Variants in ROS1 observed in about 807,000 individuals in gnomAD.
ROS1 encodes ROS proto-oncogene 1, receptor tyrosine kinase, also known as proto-oncogene tyrosine-protein kinase ROS.
Under a neutral mutation model 273.5 loss-of-function variants are expected in ROS1, and 263 were observed. The observed-to-expected ratio is 0.96, with a 90% CI of 0.87 to 1.06. The LOEUF (loss-of-function observed/expected upper bound fraction) is 1.06, where lower values mean the gene tolerates loss of function less well. Among genes scored for constraint, ROS1 ranks in the 50% least tolerant of loss-of-function variants. ROS1 has a pLI of 0.00. For missense variants in ROS1, 2,833 were observed against 2,751.1 expected, an observed-to-expected ratio of 1.03 and a Z score of -0.67; for synonymous variants, 1,008 against 954.1, an observed-to-expected ratio of 1.06 and a Z score of -1.04.
chr6:117,348,903 A>G (rs910835029), intron 27 of ROS1, among the ~76,000 whole-genome samples: 4 of 152,028 alleles, frequency 2.6e-5, no homozygotes, highest in African/African-American at 9.6e-5. Context: ...GCTATCTTTC[A>G]GTTATTGAGT....
chr6:117,363,608 C>T (rs918050858), intron 21 of ROS1, among the ~76,000 whole-genome samples: 16 of 152,128 alleles, frequency 1.1e-4, no homozygotes, highest in African/African-American at 3.6e-4. Flanking sequence ...AATCTCCAGG[C>T]CTTCTTACAT....
In ROS1 at chr6:117,387,948, T is replaced by A; in HGVS notation, c.1831A>T (p.Thr611Ser). 1 of 1,614,174 alleles carries A rather than the reference T, an allele frequency of 6.2e-7. No individual in the cohort carries two copies. The highest frequency in any genetic ancestry group is 8.5e-7 in the Non-Finnish European group (1 of 1,180,006). The stretch of plus-strand genomic sequence containing the variant: ...TGAGTGACTTCAGGAGGGTCTTGGG[T>A]GGATACTTTCACCTCATAGGTCCAG... ...QNWTYEVKVSTQDPPEVTHIF... is the reference protein window; with the variant it reads ...QNWTYEVKVSSQDPPEVTHIF... The change falls in exon 14 of 44, where the codon ACC (threonine) becomes TCC (serine). Residue 611 changes from threonine to serine, a missense_variant. Thr to Ser is a moderately conservative substitution (Grantham distance 58, BLOSUM62 1). Coordinates refer to ENST00000368507, the MANE Select transcript of ROS1 (RefSeq NM_001378902.1).
Position 117,422,257 on chromosome 6 carries a change from C to T in ROS1, c.123+3277G>A, listed in dbSNP as rs572491904. On this transcript the variant is annotated intron_variant, in intron 1 of 43. Coordinates refer to ENST00000368507, the MANE Select transcript of ROS1 (RefSeq NM_001378902.1). ...AACTCCTGGGCTGAAGGGAACTGTC[C>T]GCCTCAGCCTCCCATAGTGCTGGAA... Among the ~76,000 whole-genome samples the T allele has an allele frequency of 4.7e-3, 721 of 152,216 alleles. 5 individuals carry two copies. Among genetic ancestry groups the T allele is most frequent in the African/African-American group, 0.016 (680 of 41,548 alleles).
intron 40 of ROS1, 53 bp downstream of exon 40, chr6:117,310,967 G>A: frequency 1.8e-6 from 2 of 1,090,818 alleles, no homozygotes; most frequent in Non-Finnish European, 2.8e-6. Flanking sequence ...TGCACTACAG[G>A]TGATTATTGT....
chr6:117,337,854 T>C (rs867305674), intron 31 of ROS1, among the ~76,000 whole-genome samples: 1 of 152,236 alleles, frequency 6.6e-6, no homozygotes, highest in East Asian at 1.9e-4. Flanking sequence ...TCTTCAGACA[T>C]GTAAACAGAA....
At chr6:117,421,164 ATATATAT>A (rs1202212925) in intron 1 of ROS1, among the ~76,000 whole-genome samples, 1 of 148,342 alleles carries the variant, frequency 6.7e-6, no homozygotes, top group East Asian at 1.9e-4. Flanking sequence ...CATTTTTATA[ATATATAT>A]TATATATTAT....
At chr6:117,377,257 C>A (rs1781412204) in intron 18 of ROS1, among the ~76,000 whole-genome samples, 1 of 152,036 alleles carries the variant, frequency 6.6e-6, no homozygotes, top group South Asian at 2.1e-4. Flanking sequence ...ATTACAGGCG[C>A]CCATCACCAC....
chr6:117,326,135 T>A, intron 34 of ROS1, 89 bp downstream of exon 34: 22 of 421,198 alleles, frequency 5.2e-5, no homozygotes, highest in East Asian at 1.0e-4. Context: ...ATAGTCACCA[T>A]TATCTATTGC....
chr6:117,411,714 C>G (rs139681801), intron 4 of ROS1, among the ~76,000 whole-genome samples: 2 of 152,140 alleles, frequency 1.3e-5, no homozygotes, highest in Non-Finnish European at 2.9e-5. Context: ...GCATTGTTCC[C>G]TTAAAAATTA....
At chr6:117,381,876 G>C (rs537765597) in intron 17 of ROS1, among the ~76,000 whole-genome samples, 5 of 152,054 alleles carry the variant, frequency 3.3e-5, no homozygotes, top group African/African-American at 1.2e-4. Context: ...GTGTATAAGC[G>C]TTTGGAGGGG....
chr6:117,366,159 C>T lies in ROS1; in HGVS notation c.2714G>A (p.Gly905Asp), dbSNP rs371677605. The T allele has an allele frequency of 1.2e-5, 20 of 1,614,084 alleles. No individual in the cohort carries two copies. The African/African-American group carries it at 2.0e-4, about 16-fold the overall frequency. The change falls in exon 19 of 44, where the codon GGT becomes GAT. Residue 905 changes from glycine (G) to aspartate (D), a missense_variant. Transcript: ENST00000368507. ...CAAAACAGAGACACTGGTTTTCTGA[C>T]CTATTTCTTGAGTTGTGATAATCCT... ...GFRIITTQEI[G>D]QKTSVSVLEP...
intron 27 of ROS1, among the ~76,000 whole-genome samples, chr6:117,350,787 G>A (rs1395027068): frequency 6.7e-6 from 1 of 148,808 alleles, no homozygotes; most frequent in Non-Finnish European, 1.5e-5. Context: ...CTACTATTAA[G>A]CCCATCAAAC....
At chr6:117,357,588 C>T (rs1038110651) in intron 25 of ROS1, among the ~76,000 whole-genome samples, 3 of 152,184 alleles carry the variant, frequency 2.0e-5, no homozygotes, top group Non-Finnish European at 4.4e-5. Context: ...ATTAGCCTAA[C>T]TTTGTTAGTC....
intron 34 of ROS1, 135 bp downstream of exon 34, chr6:117,326,089 G>GA (rs1776606199): frequency 6.0e-6 from 1 of 165,700 alleles, no homozygotes; most frequent in Admixed American, 1.1e-4. Flanking sequence ...TGGATAATAA[G>GA]ATTATATATA....
At chr6:117,345,489 G>A (rs1281887780) in intron 27 of ROS1, among the ~76,000 whole-genome samples, 1 of 152,188 alleles carries the variant, frequency 6.6e-6, no homozygotes, top group East Asian at 1.9e-4. Context: ...GGCTGAGACT[G>A]TGCTTGAATT....
At chr6:117,316,965 C>G (rs565340628) in intron 39 of ROS1, among the ~76,000 whole-genome samples, 178 bp downstream of exon 39, 1 of 152,042 alleles carries the variant, frequency 6.6e-6, no homozygotes, top group Non-Finnish European at 1.5e-5. Context: ...CAGAAAGTGC[C>G]AGAATGTTAG....
At chr6:117,404,045 C>G (rs549841771) in intron 6 of ROS1, among the ~76,000 whole-genome samples, 9 of 152,290 alleles carry the variant, frequency 5.9e-5, no homozygotes, top group African/African-American at 2.2e-4. Context: ...ACCATCCTGG[C>G]TAACACGGTG....
intron 32 of ROS1, among the ~76,000 whole-genome samples, chr6:117,333,247 A>G (rs1777226778): frequency 6.6e-6 from 1 of 152,218 alleles, no homozygotes; most frequent in African/African-American, 2.4e-5. Context: ...TAGAAAATCT[A>G]GAAGAAATGG....
At chr6:117,328,696 T>A (rs2128590692) in intron 33 of ROS1, 1 of 608,982 alleles carries the variant, frequency 1.6e-6, no homozygotes, top group Admixed American at 1.9e-5. Context: ...AATTCTCCCC[T>A]CAAGTTGGCA....
Sources: allele counts gnomAD v4.1 joint callset (sites outside exome capture counted in the v4.1 genomes callset), GRCh38; gene constraint gnomAD v4.1.1; transcripts MANE v1.5; gene names NCBI Gene and HGNC (gene_info 2026-07-23, HGNC 2026-07-21).